GFM1: variants seen among roughly 807,000 people sequenced by gnomAD.
The protein encoded by GFM1 is elongation factor G, mitochondrial.
In GFM1, 62 loss-of-function variants were observed where a neutral mutation model predicts 96.2. That is an observed-to-expected ratio of 0.64 (90% CI 0.53 to 0.80). The LOEUF (loss-of-function observed/expected upper bound fraction) is 0.80. GFM1 is among the 30% of genes least tolerant of loss of function. The pLI, the probability that GFM1 is intolerant of heterozygous loss-of-function variation, is 0.00. For missense variants in GFM1, 852 were observed against 916.6 expected, an observed-to-expected ratio of 0.93 and a Z score of 0.91; for synonymous variants, 282 against 312.9, an observed-to-expected ratio of 0.90 and a Z score of 1.04.
intron 2 of GFM1, 54 bp from the exon 3 acceptor site, chr3:158,646,111 T>C: frequency 6.2e-7 from 1 of 1,610,120 alleles, no homozygotes; most frequent in Non-Finnish European, 8.5e-7. Flanking sequence ...AAGATTTCTT[T>C]CCTTCTTGGA....
At position 158,644,813 on chromosome 3, in the gene GFM1, C is replaced by G. The variant is rs918252573; in HGVS notation, c.81+98C>G. ...CGTGACACCCCCTGGGTCCTCATGA[C>G]TGACAGCTCCGAATACTGGCAGTCG... On this transcript the variant is annotated intron_variant, in intron 1 of 17. Transcript: ENST00000486715. The G allele has an allele frequency of 2.6e-5, 26 of 990,240 alleles. No individual in the cohort carries two copies. The African/African-American group carries it at 4.0e-4, about 15-fold the overall frequency. The allele number at this position is 990,240 out of a possible 1,614,324, so 61.3% of individuals were successfully genotyped here. A position where few individuals can be genotyped will look rare whatever the true frequency, so the allele number is the denominator to read the frequency against.
At chr3:158,650,031 T>A in intron 5 of GFM1, 2 of 1,536,036 alleles carry the variant, frequency 1.3e-6, no homozygotes, top group Non-Finnish European at 1.7e-6. Context: ...TTCCTTCCTC[T>A]GCTATGGAAT....
chr3:158,672,659 T>C, intron 13 of GFM1: 1 of 636,676 alleles, frequency 1.6e-6, no homozygotes, highest in South Asian at 1.9e-5. Flanking sequence ...GGGCCCAGGC[T>C]CCCTGCATCC....
At chr3:158,673,229 A>G (rs2108072901) in intron 13 of GFM1, among the ~76,000 whole-genome samples, 1 of 152,352 alleles carries the variant, frequency 6.6e-6, no homozygotes, top group Admixed American at 6.5e-5. Flanking sequence ...TACTAATCTT[A>G]AAATGATAAG....
At position 158,644,992 on chromosome 3, in the gene GFM1, T is replaced by C. The variant is rs1240809413; in HGVS notation, c.81+277T>C. The C allele has an allele frequency of 6.8e-6, 3 of 442,266 alleles. No homozygotes were observed. The Admixed American group carries it at 1.2e-4, about 18-fold the overall frequency. 27.4% of individuals were successfully genotyped at this position (442,266 alleles called of 1,614,324 possible). A position where few individuals can be genotyped will look rare whatever the true frequency, so the allele number is the denominator to read the frequency against. ...CACCTTTTCTAAGGTTTTTTTTTTT[T>C]TTTTTTGCCTCTCTTTTCCCGTGAA... On this transcript the variant is annotated intron_variant, in intron 1 of 17. Coordinates refer to ENST00000486715, the MANE Select transcript of GFM1 (RefSeq NM_024996.7).
intron 1 of GFM1, 133 bp from the exon 2 acceptor site, chr3:158,645,496 C>T (rs1721697643): frequency 1.3e-6 from 1 of 764,608 alleles, no homozygotes; most frequent in Non-Finnish European, 2.3e-6. Flanking sequence ...AAGGTTTCCC[C>T]TGGTGCCTTT....
At chr3:158,673,364 A>C (rs73156476) in intron 13 of GFM1, among the ~76,000 whole-genome samples, 1 of 152,176 alleles carries the variant, frequency 6.6e-6, no homozygotes, top group African/African-American at 2.4e-5. Context: ...CCTCATTGCA[A>C]TGGGCCTATA....
chr3:158,666,043 C>A (rs1440616075), intron 12 of GFM1, among the ~76,000 whole-genome samples: 54 of 152,048 alleles, frequency 3.6e-4, no homozygotes, highest in Admixed American at 3.5e-3. Context: ...TAATATTCAA[C>A]AATGGTGACG....
At position 158,690,287 on chromosome 3, in the gene GFM1, A is replaced by G. The variant is rs770923614; in HGVS notation, c.2034A>G (p.Gln678=). The G allele has an allele frequency of 1.2e-6, 2 of 1,614,080 alleles. No individual in the cohort carries two copies. Among genetic ancestry groups the G allele is most frequent in the African/African-American group, 1.3e-5 (1 of 75,066 alleles). Residue 678 remains glutamine, a synonymous_variant, in exon 16 of 18, where the codon CAA becomes CAG. Coordinates refer to ENST00000486715, the MANE Select transcript of GFM1 (RefSeq NM_024996.7). The part of the protein sequence containing the change: ...INRRHGVITG[Q]DGVEDYFTLY... ...GACGCCATGGGGTAATCACTGGGCAAGATGGAGTTGAGGACTATTTTACAC... is the reference window on the plus strand; with the variant it reads ...GACGCCATGGGGTAATCACTGGGCAGGATGGAGTTGAGGACTATTTTACAC...
intron 13 of GFM1, among the ~76,000 whole-genome samples, chr3:158,679,860 GCTTCCTCAAGTCACCAT>G (rs1725214190): frequency 6.6e-6 from 1 of 152,186 alleles, no homozygotes; most frequent in South Asian, 2.1e-4. Flanking sequence ...CAATATGTGA[GCTTCCTCAAGTCACCAT>G]TTTGAAGCCT....
chr3:158,653,441 GA>G lies in GFM1; in HGVS notation c.974del (p.Asn325ThrfsTer18), dbSNP rs1434843098. 6.2e-7 allele frequency: 1 copy of G among 1,612,964 alleles called. No individual in the cohort carries two copies. Among genetic ancestry groups the G allele is most frequent in the African/African-American group, 1.3e-5 (1 of 74,870 alleles). On this transcript the variant is annotated frameshift_variant, in exon 7 of 18. Coordinates refer to ENST00000486715, the MANE Select transcript of GFM1 (RefSeq NM_024996.7). LOFTEE classifies it high-confidence loss of function. ...ACCTCCCAAATCCATCTGAAGTCCA[GA>G]ACTATGCTATTCTCAATAAAGAGGA... Reference protein sequence around the residue: ...EYLPNPSEVQNYAILNKEDDS... With the variant: ...EYLPNPSEVQXYAILNKEDDS...
chr3:158,651,664 G>A (rs946631756), intron 5 of GFM1, among the ~76,000 whole-genome samples: 3 of 152,174 alleles, frequency 2.0e-5, no homozygotes, highest in African/African-American at 7.2e-5. Flanking sequence ...GTGATACTTT[G>A]TCAAGTCATT....
At chr3:158,691,235 A>C (rs774558130) in intron 17 of GFM1, 43 bp downstream of exon 17, 13 of 1,603,230 alleles carry the variant, frequency 8.1e-6, no homozygotes, top group Non-Finnish European at 1.0e-5. Context: ...CACCCTACAG[A>C]ATGATCATAT....
chr3:158,657,886 T>C (rs929979725), intron 8 of GFM1, among the ~76,000 whole-genome samples: 2 of 152,190 alleles, frequency 1.3e-5, no homozygotes, highest in Non-Finnish European at 2.9e-5. Flanking sequence ...TAATTTGTGC[T>C]GGTTCTGAAT....
At chr3:158,678,418 C>T (rs533842543) in intron 13 of GFM1, among the ~76,000 whole-genome samples, 1 of 152,198 alleles carries the variant, frequency 6.6e-6, no homozygotes, top group South Asian at 2.1e-4. Context: ...TTTGTGATTC[C>T]TGGGAGGAGG....
In GFM1 at chr3:158,691,379, G is replaced by A; in HGVS notation, c.2168G>A (p.Cys723Tyr). ...ATGGAGTATAGCAGGTATCAGCCAT[G>A]TTTACCATCCACACAAGAAGACGTC... is the stretch of plus-strand genomic sequence containing the variant. ...YTMEYSRYQP[C>Y]LPSTQEDVIN... The change falls in exon 18 of 18, where the codon TGT becomes TAT. Residue 723 changes from cysteine (C) to tyrosine (Y), a missense_variant. Transcript: ENST00000486715. 1 of 1,613,824 alleles carries A rather than the reference G, an allele frequency of 6.2e-7. No homozygotes were observed. The highest frequency in any genetic ancestry group is 8.5e-7 in the Non-Finnish European group (1 of 1,179,800).
intron 6 of GFM1, among the ~76,000 whole-genome samples, chr3:158,652,463 CT>C (rs1283100787): frequency 1.3e-5 from 2 of 152,092 alleles, no homozygotes; most frequent in East Asian, 3.9e-4. Flanking sequence ...ATTGAGGACC[CT>C]TAAATTATTG....
chr3:158,689,839 TAACTC>T (rs760959879), intron 15 of GFM1, among the ~76,000 whole-genome samples: 39 of 151,994 alleles, frequency 2.6e-4, no homozygotes, highest in Non-Finnish European at 4.4e-4. Flanking sequence ...AGAGAATAAA[TAACTC>T]AGCTGGATAA....
chr3:158,661,325 A>G (rs1189611598), intron 10 of GFM1, among the ~76,000 whole-genome samples: 3 of 152,152 alleles, frequency 2.0e-5, no homozygotes, highest in African/African-American at 7.2e-5. Flanking sequence ...GTGCATTTCT[A>G]ATTGTTACCA....
Sources: allele counts gnomAD v4.1 joint callset (sites outside exome capture counted in the v4.1 genomes callset), GRCh38; gene constraint gnomAD v4.1.1; transcripts MANE v1.5; gene names NCBI Gene and HGNC (gene_info 2026-07-23, HGNC 2026-07-21).